The following STAG1 variants were observed in gnomAD, a reference collection of about 807,000 sequenced individuals.
The protein encoded by STAG1 is STAG1 cohesin complex component.
Under a neutral mutation model 170.9 loss-of-function variants are expected in STAG1, and 26 were observed. The observed-to-expected ratio is 0.15, with a 90% CI of 0.11 to 0.21. The LOEUF is 0.21. Ranked by LOEUF, STAG1 falls within the 10% of genes least tolerant of loss-of-function variation. The pLI, the probability that STAG1 is intolerant of heterozygous loss-of-function variation, is 1.00. For missense variants in STAG1, 964 were observed against 1,509.5 expected, an observed-to-expected ratio of 0.64 and a Z score of 5.99; for synonymous variants, 514 against 497.7, an observed-to-expected ratio of 1.03 and a Z score of -0.44.
chr3:136,496,477 T>G (rs186424022), intron 9 of STAG1, among the ~76,000 whole-genome samples: 1 of 152,230 alleles, frequency 6.6e-6, no homozygotes, highest in Admixed American at 6.5e-5. Flanking sequence ...GAAATTAAAT[T>G]AGAAATCAAT....
chr3:136,429,494 A>C (rs1235756761), intron 16 of STAG1, among the ~76,000 whole-genome samples: 1 of 152,210 alleles, frequency 6.6e-6, no homozygotes, highest in African/African-American at 2.4e-5. Context: ...GATGATGAGG[A>C]AGAAAATGCT....
At position 136,615,321 on chromosome 3, in the gene STAG1, T is replaced by C. The variant is rs368621727; in HGVS notation, c.132+7825A>G. On this transcript the variant is annotated intron_variant, in intron 3 of 33. Coordinates refer to ENST00000383202, the MANE Select transcript of STAG1 (RefSeq NM_005862.3). ...ATACAATAAAATATTAGGTGTAATATTAGGTTAGTTGAAGATACCCCACAC... is the reference window on the plus strand; with the variant it reads ...ATACAATAAAATATTAGGTGTAATACTAGGTTAGTTGAAGATACCCCACAC... 2.4e-4 allele frequency among the ~76,000 whole-genome samples: 36 copies of C among 150,278 alleles called. No homozygotes were observed. The East Asian group carries it at 5.3e-3, about 22-fold the overall frequency.
intron 9 of STAG1, among the ~76,000 whole-genome samples, chr3:136,497,281 TA>T (rs774311577): frequency 2.6e-5 from 4 of 152,050 alleles, no homozygotes; most frequent in Non-Finnish European, 5.9e-5. Context: ...TGATATTCAT[TA>T]AAATAAAGTT....
At chr3:136,526,010 T>C (rs544902652) in intron 6 of STAG1, among the ~76,000 whole-genome samples, 88 of 152,344 alleles carry the variant, frequency 5.8e-4, no homozygotes, top group African/African-American at 2.1e-3. Flanking sequence ...AGTGCTTTAC[T>C]TCCAACTATG....
chr3:136,449,356 T>A (rs1479776436), intron 14 of STAG1, among the ~76,000 whole-genome samples: 1 of 151,932 alleles, frequency 6.6e-6, no homozygotes. Flanking sequence ...AGGTTAGGAG[T>A]TCGAGACCAG....
chr3:136,735,360 A>C (rs1247086993), intron 1 of STAG1, among the ~76,000 whole-genome samples: 1 of 152,066 alleles, frequency 6.6e-6, no homozygotes, highest in Non-Finnish European at 1.5e-5. Flanking sequence ...TCATGAGCCC[A>C]AGCAATCCTC....
At chr3:136,557,973 C>T (rs1243538484) in intron 5 of STAG1, among the ~76,000 whole-genome samples, 2 of 152,166 alleles carry the variant, frequency 1.3e-5, no homozygotes, top group East Asian at 1.9e-4. Flanking sequence ...ACAAAGAGAA[C>T]AAAGACAGAC....
chr3:136,522,181 C>T (rs1934712705), intron 6 of STAG1, among the ~76,000 whole-genome samples: 1 of 152,150 alleles, frequency 6.6e-6, no homozygotes, highest in African/African-American at 2.4e-5. Context: ...CAATGTGTAG[C>T]TTTTTGTCCT....
chr3:136,627,022 G>A (rs752444697), intron 2 of STAG1, among the ~76,000 whole-genome samples: 1 of 152,198 alleles, frequency 6.6e-6, no homozygotes, highest in African/African-American at 2.4e-5. Context: ...ATAGGAGCAG[G>A]TTGGTTCTAG....
intron 23 of STAG1, among the ~76,000 whole-genome samples, chr3:136,370,228 C>T (rs530882831): frequency 3.9e-5 from 6 of 152,092 alleles, no homozygotes; most frequent in East Asian, 1.9e-4. Flanking sequence ...TCATAGGATA[C>T]GACAGCTCCA....
chr3:136,591,995 A>C (rs1359847800), intron 4 of STAG1, among the ~76,000 whole-genome samples: 1 of 152,204 alleles, frequency 6.6e-6, no homozygotes, highest in Non-Finnish European at 1.5e-5. Flanking sequence ...AAAGGTTGGG[A>C]CATGAGGCCA....
chr3:136,729,368 C>G (rs142300477), intron 1 of STAG1, among the ~76,000 whole-genome samples: 1 of 151,922 alleles, frequency 6.6e-6, no homozygotes, highest in African/African-American at 2.4e-5. Flanking sequence ...ATCCACTAAA[C>G]TCTCCCTCTT....
At chr3:136,629,805 A>C (rs1034278365) in intron 2 of STAG1, among the ~76,000 whole-genome samples, 3 of 152,226 alleles carry the variant, frequency 2.0e-5, no homozygotes, top group African/African-American at 7.2e-5. Flanking sequence ...TGTTATACAG[A>C]ATCAAAGTAT....
intron 5 of STAG1, among the ~76,000 whole-genome samples, chr3:136,567,931 A>T (rs1180868741): frequency 6.6e-6 from 1 of 152,128 alleles, no homozygotes; most frequent in Non-Finnish European, 1.5e-5. Flanking sequence ...CACAATGAAG[A>T]TGCCTTTAAA....
chr3:136,346,926 C>G (rs948682505), intron 29 of STAG1, among the ~76,000 whole-genome samples: 9 of 152,022 alleles, frequency 5.9e-5, no homozygotes, highest in African/African-American at 2.2e-4. Flanking sequence ...AGGTGAAACC[C>G]TGTCTTTACG....
In STAG1 at chr3:136,343,920, T is replaced by C. The variant is rs765448413; in HGVS notation, c.3358A>G (p.Thr1120Ala). The C allele has an allele frequency of 6.2e-7, 1 of 1,611,676 alleles. No individual in the cohort carries two copies. Among genetic ancestry groups the C allele is most frequent in the Non-Finnish European group, 8.5e-7 (1 of 1,179,004 alleles). ...GPLPAPQLTS[T>A]VLRENSRPMG... The stretch of plus-strand genomic sequence containing the variant: ...GGCCGACTGTTCTCCCGCAGTACAG[T>C]GGATGTGAGTTGTGGTGCTGGCAGG... Residue 1120 changes from threonine (T) to alanine (A), a missense_variant, in exon 30 of 34, where the codon ACT (threonine) becomes GCT (alanine). By Grantham distance (58) the Thr-to-Ala change is moderately conservative (BLOSUM62 0). This residue lies in a region of STAG1 where 122 missense variants were observed against 129.0 expected (regional missense o/e 0.95). Transcript: ENST00000383202.
At chr3:136,489,632 A>G (rs1230856753) in intron 9 of STAG1, among the ~76,000 whole-genome samples, 2 of 152,158 alleles carry the variant, frequency 1.3e-5, no homozygotes, top group Non-Finnish European at 2.9e-5. Context: ...TATCACTAAG[A>G]TTAGGCTGCG....
At chr3:136,642,788 A>G (rs1940852523) in intron 1 of STAG1, among the ~76,000 whole-genome samples, 1 of 152,180 alleles carries the variant, frequency 6.6e-6, no homozygotes, top group Non-Finnish European at 1.5e-5. Flanking sequence ...AGAAGACCAC[A>G]ATCAAGGTGT....
intron 4 of STAG1, among the ~76,000 whole-genome samples, chr3:136,592,539 T>C (rs1938235887): frequency 6.6e-6 from 1 of 152,176 alleles, no homozygotes; most frequent in Non-Finnish European, 1.5e-5. Context: ...GAGAACAAAC[T>C]AATACACTTG....
Sources: gnomAD v4.1 joint callset for allele counts (sites outside exome capture counted in the v4.1 genomes callset) on GRCh38, gnomAD v4.1.1 for gene constraint, gnomAD v4.1.1 regional missense constraint, MANE v1.5 for transcripts, NCBI Gene and HGNC (gene_info 2026-07-23, HGNC 2026-07-21) for gene names.